LIPA: variants seen among roughly 807,000 people sequenced by gnomAD.
The protein encoded by LIPA is lipase A, lysosomal acid type, also known as lysosomal acid lipase/cholesteryl ester hydrolase.
In LIPA, 26 loss-of-function variants were observed where a neutral mutation model predicts 40.6. The ratio of observed to expected loss-of-function variants is 0.64; its 90% CI spans 0.47 to 0.89. LIPA has a LOEUF of 0.89. LIPA is among the 40% of genes least tolerant of loss of function. The probability of loss-of-function intolerance (pLI) is 0.00; values close to 1 mark genes in which losing one functional copy is unlikely to be tolerated. For synonymous variants in LIPA, 188 were observed against 168.4 expected (o/e 1.12, Z -0.90); for missense variants, 455 against 479.6 (o/e 0.95, Z 0.48).
intron 1 of LIPA, among the ~76,000 whole-genome samples, chr10:89,275,826 T>C (rs1414596656): frequency 6.6e-6 from 1 of 152,242 alleles, no homozygotes; most frequent in East Asian, 1.9e-4. Context: ...TCAAATTTCA[T>C]TCCAGCTCTA....
At chr10:89,243,820 C>T (rs1213057336) in intron 3 of LIPA, among the ~76,000 whole-genome samples, 1 of 152,196 alleles carries the variant, frequency 6.6e-6, no homozygotes, top group African/African-American at 2.4e-5. Flanking sequence ...AAGTCTGAAG[C>T]TGGATATAGG....
chr10:89,326,351 C>A (rs1843599350), intron 1 of LIPA, among the ~76,000 whole-genome samples: 1 of 151,912 alleles, frequency 6.6e-6, no homozygotes, highest in African/African-American at 2.4e-5. Context: ...ACAAATTTTA[C>A]ATATTCTCAC....
chr10:89,290,886 G>A (rs1203496699), intron 1 of LIPA, among the ~76,000 whole-genome samples: 2 of 152,210 alleles, frequency 1.3e-5, no homozygotes, highest in African/African-American at 4.8e-5. Flanking sequence ...TCTTCACGTG[G>A]AAAAGAGTGA....
chr10:89,245,268 A>C (rs374662554), intron 3 of LIPA, among the ~76,000 whole-genome samples: 7 of 152,334 alleles, frequency 4.6e-5, no homozygotes, highest in African/African-American at 1.7e-4. Context: ...ATACACAAAA[A>C]AGCAGGAAGT....
intron 2 of LIPA, among the ~76,000 whole-genome samples, chr10:89,366,737 C>T (rs899055953): frequency 1.3e-5 from 2 of 152,150 alleles, no homozygotes; most frequent in African/African-American, 4.8e-5. Context: ...GGACTGTAAA[C>T]CAGTTCAACC....
At chr10:89,289,416 C>T (rs1311286195) in intron 1 of LIPA, among the ~76,000 whole-genome samples, 1 of 152,150 alleles carries the variant, frequency 6.6e-6, no homozygotes, top group East Asian at 1.9e-4. Context: ...ACACTAAGCT[C>T]GGGGATTTGC....
intron 1 of LIPA, chr10:89,338,823 G>T (rs1159086959): frequency 4.3e-6 from 7 of 1,614,150 alleles, no homozygotes; most frequent in Non-Finnish European, 5.9e-6. Flanking sequence ...TGTACAACTT[G>T]TTGGCCTACA....
intron 1 of LIPA, among the ~76,000 whole-genome samples, chr10:89,413,816 G>A (rs1320872877): frequency 1.3e-5 from 2 of 151,770 alleles, no homozygotes; most frequent in African/African-American, 2.4e-5. Context: ...TTATGGACAG[G>A]ATATTGAGGT....
Position 89,215,002 on chromosome 10 carries a change from C to G in LIPA, c.1026G>C (p.Gly342=), listed in dbSNP as rs550415126. The G allele has an allele frequency of 6.2e-7, 1 of 1,614,164 alleles. No homozygotes were observed. The highest frequency in any genetic ancestry group is 1.3e-5 in the African/African-American group (1 of 75,040). The change falls in exon 10 of 10, where the codon GGG becomes GGC. Residue 342 remains glycine, a synonymous_variant. Coordinates refer to ENST00000336233, the MANE Select transcript of LIPA (RefSeq NM_000235.4). ...AGACATCTGCAAGCCAGTCGTGACC[C>G]CCGCTCCAGACTGCAGTCGGCACAA... ...DMLVPTAVWS[G]GHDWLADVYD... is the part of the protein sequence containing the mutation.
chr10:89,362,820 C>A, intron 2 of LIPA: 1 of 399,786 alleles, frequency 2.5e-6, no homozygotes, highest in Admixed American at 3.7e-5. Context: ...AGAGGTGGGC[C>A]CTGAAAATCC....
At chr10:89,288,249 G>C (rs985211035) in intron 1 of LIPA, among the ~76,000 whole-genome samples, 3 of 152,078 alleles carry the variant, frequency 2.0e-5, no homozygotes, top group African/African-American at 7.3e-5. Flanking sequence ...CCTAGGCATG[G>C]TTAGGTATTT....
chr10:89,319,082 A>G (rs899281352), intron 1 of LIPA, among the ~76,000 whole-genome samples: 2 of 152,392 alleles, frequency 1.3e-5, no homozygotes, highest in Non-Finnish European at 1.5e-5. Flanking sequence ...AGGGAAATTT[A>G]TAGCACTAAA....
chr10:89,370,668 T>C (rs1340277085), intron 2 of LIPA, among the ~76,000 whole-genome samples: 1 of 152,140 alleles, frequency 6.6e-6, no homozygotes, highest in African/African-American at 2.4e-5. Context: ...ATGTTTAGCA[T>C]CAGCAATGAC....
At chr10:89,328,901 T>G (rs1471998847) in intron 1 of LIPA, among the ~76,000 whole-genome samples, 1 of 152,166 alleles carries the variant, frequency 6.6e-6, no homozygotes, top group Non-Finnish European at 1.5e-5. Flanking sequence ...ATAGGAATAG[T>G]CTATAGGGAG....
intron 1 of LIPA, among the ~76,000 whole-genome samples, chr10:89,294,684 TG>T (rs1460820016): frequency 1.3e-5 from 2 of 152,210 alleles, no homozygotes; most frequent in East Asian, 3.9e-4. Flanking sequence ...AGAATAAGAA[TG>T]GGGAGCTGGC....
chr10:89,369,982 G>A (rs1436867937), intron 2 of LIPA, among the ~76,000 whole-genome samples: 1 of 152,242 alleles, frequency 6.6e-6, no homozygotes, highest in Admixed American at 6.5e-5. Flanking sequence ...ATGTGCTACC[G>A]AAGGCAAGTG....
chr10:89,267,878 C>G (rs1843246327), intron 1 of LIPA, among the ~76,000 whole-genome samples: 1 of 152,224 alleles, frequency 6.6e-6, no homozygotes. Context: ...CAAGTATAGT[C>G]TCTGCTGTAA....
intron 3 of LIPA, among the ~76,000 whole-genome samples, chr10:89,233,410 A>G (rs1296133108): frequency 6.6e-6 from 1 of 152,264 alleles, no homozygotes; most frequent in Non-Finnish European, 1.5e-5. Context: ...GAGGCCACTC[A>G]GCTGTGTCCT....
chr10:89,396,671 T>A (rs1402552903), intron 2 of LIPA, among the ~76,000 whole-genome samples: 1 of 152,204 alleles, frequency 6.6e-6, no homozygotes, highest in Non-Finnish European at 1.5e-5. Context: ...GAGATCAAAT[T>A]TCCGTAGATT....
Sources: allele counts gnomAD v4.1 joint callset (sites outside exome capture counted in the v4.1 genomes callset), GRCh38; gene constraint gnomAD v4.1.1; transcripts MANE v1.5; gene names NCBI Gene and HGNC (gene_info 2026-07-23, HGNC 2026-07-21).